Variants in POLH observed in about 807,000 individuals in gnomAD.
POLH encodes the protein DNA polymerase eta.
In POLH, 53 loss-of-function variants were observed where a neutral mutation model predicts 73.6. The observed-to-expected ratio is 0.72, with a 90% CI of 0.58 to 0.91. POLH has a LOEUF of 0.91. Ranked by LOEUF, POLH falls within the 40% of genes least tolerant of loss-of-function variation. The pLI is 0.00. For missense variants in POLH, 768 were observed against 865.4 expected (o/e 0.89, Z 1.41); for synonymous variants, 292 against 308.5 (o/e 0.95, Z 0.56).
At chr6:43,583,391 G>A (rs913634809) in intron 3 of POLH, among the ~76,000 whole-genome samples, 2 of 152,134 alleles carry the variant, frequency 1.3e-5, no homozygotes, top group East Asian at 1.9e-4. Context: ...TTCAAAATTG[G>A]TTGTTAAATT....
intron 9 of POLH, among the ~76,000 whole-genome samples, chr6:43,606,029 T>G (rs1767249224): frequency 6.6e-6 from 1 of 152,098 alleles, no homozygotes; most frequent in Non-Finnish European, 1.5e-5. Flanking sequence ...CAGCCAGTAG[T>G]GGCAGTTTTA....
chr6:43,605,233 A>C, intron 8 of POLH, 21 bp from the exon 9 acceptor site: 1 of 1,443,296 alleles, frequency 6.9e-7, no homozygotes. Flanking sequence ...ATGAAAGATT[A>C]AAGTCTCAAT....
At chr6:43,580,516 G>A (rs1763950774) in intron 1 of POLH, among the ~76,000 whole-genome samples, 4 of 146,000 alleles carry the variant, frequency 2.7e-5, no homozygotes, top group South Asian at 2.2e-4. Flanking sequence ...CCTCCCGGAC[G>A]GGGCGGCTGG....
In POLH at chr6:43,620,126, C is replaced by G; in HGVS notation, c.*5569C>G. On this transcript the variant is annotated 3_prime_UTR_variant, in exon 11 of 11. Transcript: ENST00000372236. Reference sequence around the variant, plus strand: ...AATATGGGACCAGATTACCTTTTGTCTCTAAATTCTACTCTTCTTTAAGTA... The same window carrying G: ...AATATGGGACCAGATTACCTTTTGTGTCTAAATTCTACTCTTCTTTAAGTA... 1 of 377,058 alleles carries G rather than the reference C, an allele frequency of 2.7e-6. No individual in the cohort carries two copies. 23.4% of individuals were successfully genotyped at this position (377,058 alleles called of 1,614,324 possible).
rs78983358 is a variant in POLH at position 43,581,980 on chromosome 6, C to T, written c.-4-336C>T. On this transcript the variant is annotated intron_variant, in intron 1 of 10. Coordinates refer to ENST00000372236, the MANE Select transcript of POLH (RefSeq NM_006502.3). ...CCCTAATCTGAAATTTGAAATCTTC[C>T]AAAATCCAAAAAATTTTTTGCACCA... 7.1e-3 allele frequency among the ~76,000 whole-genome samples: 1,084 copies of T among 152,182 alleles called. 9 individuals are homozygous for T. Among genetic ancestry groups the T allele is most frequent in the African/African-American group, 0.025 (1,034 of 41,520 alleles).
rs113811080 is a variant in POLH, at chr6:43,612,598, C to T, written c.1245-1062C>T. Among the ~76,000 whole-genome samples, 63 of 152,038 alleles carry T rather than the reference C, an allele frequency of 4.1e-4. 1 individual carries two copies. Among genetic ancestry groups the T allele is most frequent in the Middle Eastern group, 3.4e-3 (1 of 294 alleles). On this transcript the variant is annotated intron_variant, in intron 10 of 10. Coordinates refer to ENST00000372236, the MANE Select transcript of POLH (RefSeq NM_006502.3). ...CTGACCTCAGGTGTTTCACCCACCT[C>T]GGCCTCCCAAAGTGCTGGGATTACA...
Position 43,613,707 on chromosome 6 carries a change from C to T in POLH, c.1292C>T (p.Ala431Val), listed in dbSNP as rs371232897. The change falls in exon 11 of 11, where the codon GCC becomes GTC. Residue 431 changes from alanine (A) to valine (V), a missense_variant. By Grantham distance (64) the Ala-to-Val change is moderately conservative. Coordinates refer to ENST00000372236, the MANE Select transcript of POLH (RefSeq NM_006502.3). Reference sequence around the variant, plus strand: ...TTCCTCTGTGCTACAAAATTTTCTGCCTCTGCCCCTTCATCTTCTACAGAC... The same window carrying T: ...TTCCTCTGTGCTACAAAATTTTCTGTCTCTGCCCCTTCATCTTCTACAGAC... ...MLFLCATKFS[A>V]SAPSSSTDIT... 3.1e-6 allele frequency: 5 copies of T among 1,613,794 alleles called. No homozygotes were observed. The highest frequency in any genetic ancestry group is 4.2e-6 in the Non-Finnish European group (5 of 1,179,920).
chr6:43,593,878 CAAAAAAAAAAA>C (rs768129925), intron 4 of POLH, among the ~76,000 whole-genome samples: 2 of 85,186 alleles, frequency 2.3e-5, no homozygotes, highest in African/African-American at 7.7e-5. Flanking sequence ...GACTCCGTCT[CAAAAAAAAAAA>C]AAAAAAAAAA....
rs1768219713 is a variant in POLH, at chr6:43,614,912, C to A, written c.*355C>A. On this transcript the variant is annotated 3_prime_UTR_variant, in exon 11 of 11. Transcript: ENST00000372236. ...TTGAACAAGTCATTTTCTTCACATT[C>A]TCATCTGTAAAATGGAGATAATACC... The A allele has an allele frequency of 4.0e-6, 1 of 248,038 alleles. No homozygotes were observed. The highest frequency in any genetic ancestry group is 2.3e-5 in the African/African-American group (1 of 43,982). 15.4% of individuals were successfully genotyped at this position (248,038 alleles called of 1,614,324 possible). A position where few individuals can be genotyped will look rare whatever the true frequency, so the allele number is the denominator to read the frequency against.
rs980743788 is a variant in POLH at position 43,617,898 on chromosome 6, G to A, written c.*3341G>A. 6.6e-6 allele frequency among the ~76,000 whole-genome samples: 1 copy of A among 151,236 alleles called. No homozygotes were observed. The highest frequency in any genetic ancestry group is 1.5e-5 in the Non-Finnish European group (1 of 67,950). On this transcript the variant is annotated 3_prime_UTR_variant, in exon 11 of 11. Transcript: ENST00000372236. ...TCGTGCCACTGCACTGCACCCTGGC[G>A]ACACAGCAAGACTGTCTCAAAAAAA...
At position 43,614,371 on chromosome 6, in the gene POLH, C is replaced by T. The variant is rs946324135; in HGVS notation, c.1956C>T (p.Asp652=). The T allele has an allele frequency of 6.2e-7, 1 of 1,613,990 alleles. No individual in the cohort carries two copies. Among genetic ancestry groups the T allele is most frequent in the Non-Finnish European group, 8.5e-7 (1 of 1,179,826 alleles). Reference sequence around the variant, plus strand: ...TATGGGATATGCCAGAACACATGGACTATCATTTTGCATTGGAGTTGCAGA... The same window carrying T: ...TATGGGATATGCCAGAACACATGGATTATCATTTTGCATTGGAGTTGCAGA... ...VPVWDMPEHM[D]YHFALELQKS... The change falls in exon 11 of 11, where the codon GAC becomes GAT. Residue 652 remains aspartate, a synonymous_variant. Transcript: ENST00000372236.
At chr6:43,589,072 T>C (rs1417749386) in intron 4 of POLH, among the ~76,000 whole-genome samples, 1 of 150,536 alleles carries the variant, frequency 6.6e-6, no homozygotes, top group Non-Finnish European at 1.5e-5. Context: ...TCTCCTGACC[T>C]TGTGATCCGC....
intron 4 of POLH, among the ~76,000 whole-genome samples, chr6:43,594,885 A>C (rs1765864097): frequency 7.4e-6 from 1 of 135,712 alleles, no homozygotes; most frequent in African/African-American, 2.8e-5. Context: ...TCTACTTCTT[A>C]TGGCCATACA....
intron 9 of POLH, 129 bp from the exon 10 acceptor site, chr6:43,610,425 G>T (rs966947323): frequency 4.0e-6 from 3 of 756,952 alleles, no homozygotes; most frequent in Non-Finnish European, 6.9e-6. Flanking sequence ...CTTTATTCTT[G>T]ACTTTTAAAC....
At chr6:43,595,632 T>A (rs1765960048) in intron 4 of POLH, among the ~76,000 whole-genome samples, 1 of 151,944 alleles carries the variant, frequency 6.6e-6, no homozygotes, top group Non-Finnish European at 1.5e-5. Context: ...GCGACTGTAG[T>A]CCCAGCTACT....
At chr6:43,594,320 AG>A (rs1363065138) in intron 4 of POLH, among the ~76,000 whole-genome samples, 2 of 152,232 alleles carry the variant, frequency 1.3e-5, no homozygotes, top group East Asian at 3.8e-4. Flanking sequence ...ATGTTTTAAT[AG>A]TATTTATTGT....
At position 43,617,074 on chromosome 6, in the gene POLH, C is replaced by T. The variant is rs1331489630; in HGVS notation, c.*2517C>T. Among the ~76,000 whole-genome samples, 1 of 152,128 alleles carries T rather than the reference C, an allele frequency of 6.6e-6. No homozygotes were observed. Among genetic ancestry groups the T allele is most frequent in the Non-Finnish European group, 1.5e-5 (1 of 68,026 alleles). On this transcript the variant is annotated 3_prime_UTR_variant, in exon 11 of 11. Coordinates refer to ENST00000372236, the MANE Select transcript of POLH (RefSeq NM_006502.3). ...GCATGGTGGTGGGTGCGTGTAATCCCAGCTAGTTGGGAGGCTGAGGCAGGA... is the reference window on the plus strand; with the variant it reads ...GCATGGTGGTGGGTGCGTGTAATCCTAGCTAGTTGGGAGGCTGAGGCAGGA...
chr6:43,585,631 TC>T lies in POLH; in HGVS notation c.273-1640del, dbSNP rs1318325175. 1.7e-3 allele frequency among the ~76,000 whole-genome samples: 243 copies of T among 146,382 alleles called. 3 individuals carry two copies. Among genetic ancestry groups the T allele is most frequent in the African/African-American group, 5.9e-3 (218 of 36,742 alleles). On this transcript the variant is annotated intron_variant, in intron 3 of 10. Coordinates refer to ENST00000372236, the MANE Select transcript of POLH (RefSeq NM_006502.3). ...CTGTGTGTATGAGTATATTGCTCTTTCTTTTCTTTTTTTTTTTTTTTTTGTG... is the reference window on the plus strand; with the variant it reads ...CTGTGTGTATGAGTATATTGCTCTTTTTTTCTTTTTTTTTTTTTTTTTGTG...
At chr6:43,578,737 T>C (rs1031185107) in intron 1 of POLH, among the ~76,000 whole-genome samples, 1 of 152,180 alleles carries the variant, frequency 6.6e-6, no homozygotes, top group Non-Finnish European at 1.5e-5. Context: ...TATTTCAGAG[T>C]AAAAGGTTGA....
Sources: gnomAD v4.1 joint callset for allele counts (sites outside exome capture counted in the v4.1 genomes callset) on GRCh38, gnomAD v4.1.1 for gene constraint, MANE v1.5 for transcripts, NCBI Gene and HGNC (gene_info 2026-07-23, HGNC 2026-07-21) for gene names.